Variants in TXLNB observed in about 807,000 individuals in gnomAD.
TXLNB encodes the protein taxilin beta, also known as beta-taxilin.
Under a neutral mutation model 57.4 loss-of-function variants are expected in TXLNB, and 37 were observed. That is an observed-to-expected ratio of 0.64 (90% CI 0.50 to 0.85). The LOEUF (loss-of-function observed/expected upper bound fraction) is 0.85. TXLNB is among the 40% of genes least tolerant of loss of function. The pLI is 0.00. For synonymous variants in TXLNB, 302 were observed against 309.6 expected, an observed-to-expected ratio of 0.98 and a Z score of 0.26; for missense variants, 848 against 825.6, an observed-to-expected ratio of 1.03 and a Z score of -0.33.
At chr6:139,204,542 T>C in the TXLNB span, among the ~76,000 whole-genome samples, 1 of 152,044 alleles carries the variant, frequency 6.6e-6, no homozygotes, top group Non-Finnish European at 1.5e-5. Context: ...CAACTGAATT[T>C]TGTGACAGGA....
In TXLNB at chr6:139,242,319, T is replaced by A. The variant is rs1775953182; in HGVS notation, c.*207A>T. On this transcript the variant is annotated 3_prime_UTR_variant, in exon 10 of 10. Coordinates refer to ENST00000358430, the MANE Select transcript of TXLNB (RefSeq NM_153235.4). ...TTGGGAAAATTATACTGTCAACCAG[T>A]GTTAAATAGAAAACCTTCAAATCAG... 4 of 406,218 alleles carry A rather than the reference T, an allele frequency of 9.8e-6. No individual in the cohort carries two copies. Among genetic ancestry groups the A allele is most frequent in the Non-Finnish European group, 1.7e-5 (4 of 235,982 alleles). 25.2% of individuals were successfully genotyped at this position (406,218 alleles called of 1,614,324 possible).
intron 3 of TXLNB, among the ~76,000 whole-genome samples, chr6:139,272,056 C>T (rs1776778194): frequency 6.6e-6 from 1 of 152,138 alleles, no homozygotes; most frequent in Non-Finnish European, 1.5e-5. Context: ...TGCCTGTAAT[C>T]CCTGCACTTT....
the TXLNB span, among the ~76,000 whole-genome samples, chr6:139,302,630 G>T: frequency 7.4e-6 from 1 of 135,942 alleles, no homozygotes; most frequent in Non-Finnish European, 1.6e-5. Context: ...AAAAAAATTA[G>T]CTGGGAATGG....
chr6:139,168,079 C>T, the TXLNB span, among the ~76,000 whole-genome samples: 1 of 152,212 alleles, frequency 6.6e-6, no homozygotes, highest in African/African-American at 2.4e-5. Context: ...CTGTCTCCTT[C>T]CCACCAACCC....
rs1775965971 is a variant in TXLNB at position 139,242,646 on chromosome 6, C to T, written c.1935G>A (p.Val645=). ...GCTGCCTACTGGGCTCGCATGCAGG[C>T]ACCATGGCTGCAACGTGCTCTTCTG... The part of the protein sequence containing the change: ...CAAEEHVAAM[V]PACEPSRQPP... Residue 645 remains valine (V), a synonymous_variant, in exon 10 of 10, where the codon GTG becomes GTA. Transcript: ENST00000358430. 2.5e-6 allele frequency: 4 copies of T among 1,608,958 alleles called. No homozygotes were observed. The highest frequency in any genetic ancestry group is 3.4e-6 in the Non-Finnish European group (4 of 1,177,772).
chr6:139,317,620 C>T, the TXLNB span, among the ~76,000 whole-genome samples: 1 of 152,016 alleles, frequency 6.6e-6, no homozygotes, highest in African/African-American at 2.4e-5. Context: ...AGGATGATCT[C>T]GATCTCCTGA....
the TXLNB span, among the ~76,000 whole-genome samples, chr6:139,298,494 C>T: frequency 4.6e-5 from 7 of 152,250 alleles, no homozygotes; most frequent in East Asian, 9.6e-4. Flanking sequence ...TTGGACCTCC[C>T]CATCTTTGAA....
upstream of TXLNB, among the ~76,000 whole-genome samples, chr6:139,294,662 T>TA (rs1230330958): frequency 1.3e-5 from 2 of 152,152 alleles, no homozygotes; most frequent in Admixed American, 6.6e-5. Context: ...ACCTTGATCT[T>TA]AGACTTTCCA....
Position 139,242,825 on chromosome 6 carries a change from C to A in TXLNB, c.1756G>T (p.Ala586Ser), listed in dbSNP as rs1562269874. 1.2e-6 allele frequency: 2 copies of A among 1,614,168 alleles called. No individual in the cohort carries two copies. Among genetic ancestry groups the A allele is most frequent in the Non-Finnish European group, 1.7e-6 (2 of 1,180,044 alleles). The stretch of plus-strand genomic sequence containing the variant: ...GGGAGACCCTCGCATTGGGTTTCTG[C>A]TCCCAACCCGGCAGGAGAATTACTG... ...KASNSPAGLG[A>S]ETQCEGLPVG... is the part of the protein sequence containing the mutation. The change falls in exon 10 of 10, where the codon GCA becomes TCA. Residue 586 changes from alanine (A) to serine (S), a missense_variant. Physicochemically the swap from Ala to Ser is moderately conservative, Grantham distance 99 (BLOSUM62 1). Transcript: ENST00000358430.
chr6:139,191,748 G>C, the TXLNB span, among the ~76,000 whole-genome samples: 15 of 152,236 alleles, frequency 9.9e-5, no homozygotes, highest in East Asian at 2.9e-3. Flanking sequence ...GGTGTGGGGC[G>C]GTGTACCTGG....
the TXLNB span, among the ~76,000 whole-genome samples, chr6:139,300,619 C>T: frequency 6.6e-6 from 1 of 152,202 alleles, no homozygotes; most frequent in Non-Finnish European, 1.5e-5. Context: ...AGAACTTCAG[C>T]TGGGTGCGGT....
At chr6:139,280,138 G>C (rs1777006720) in intron 2 of TXLNB, among the ~76,000 whole-genome samples, 1 of 151,404 alleles carries the variant, frequency 6.6e-6, no homozygotes, top group African/African-American at 2.4e-5. Context: ...TGTAATCCCA[G>C]CTACTCTGGA....
chr6:139,292,367 CA>C (rs578229967), upstream of TXLNB, among the ~76,000 whole-genome samples: 201 of 152,270 alleles, frequency 1.3e-3, no homozygotes, highest in Non-Finnish European at 2.4e-3. This position sits in a 1 kb window ranked among gnomAD's most constrained non-coding sequence, Gnocchi z 4.0. Context: ...GGGTAGAGAT[CA>C]GTTTTTCTTA....
At chr6:139,259,144 C>G (rs1776418397) in intron 6 of TXLNB, among the ~76,000 whole-genome samples, 1 of 152,154 alleles carries the variant, frequency 6.6e-6, no homozygotes, top group African/African-American at 2.4e-5. Context: ...AAGTCATCAT[C>G]ATATTTCATC....
the TXLNB span, among the ~76,000 whole-genome samples, chr6:139,298,254 C>G: frequency 6.6e-6 from 1 of 152,036 alleles, no homozygotes; most frequent in Non-Finnish European, 1.5e-5. Context: ...GCAAAGAGCC[C>G]CACCTCTTAA....
chr6:139,255,887 G>C (rs1780284623), intron 6 of TXLNB, among the ~76,000 whole-genome samples: 1 of 151,610 alleles, frequency 6.6e-6, no homozygotes, highest in Admixed American at 6.6e-5. Flanking sequence ...GAACAGCCTG[G>C]GCTATATAGG....
the TXLNB span, chr6:139,174,564 G>A: frequency 6.2e-7 from 1 of 1,606,140 alleles, no homozygotes; most frequent in South Asian, 1.1e-5. Flanking sequence ...CACTGAGGGA[G>A]CAGTGGGTGA....
Position 139,247,842 on chromosome 6 carries a change from G to A in TXLNB, c.1145C>T (p.Ala382Val). ...STLTKSNEVF[A>V]TFKQEMDKTT... ...TTTGTCCATTTCCTGTTTGAACGTG[G>A]CAAACACCTCGTTGCTTTTAGTTAG... The change falls in exon 8 of 10, where the codon GCC becomes GTC. Residue 382 changes from alanine (A) to valine (V), a missense_variant. Coordinates refer to ENST00000358430, the MANE Select transcript of TXLNB (RefSeq NM_153235.4). The A allele has an allele frequency of 6.2e-7, 1 of 1,604,924 alleles. No individual in the cohort carries two copies. The highest frequency in any genetic ancestry group is 2.3e-5 in the East Asian group (1 of 44,174).
Position 139,260,377 on chromosome 6 carries a change from C to G in TXLNB, c.943G>C (p.Glu315Gln), listed in dbSNP as rs1776450325. Reference protein sequence around the residue: ...LQQKLVDAKLEQAQEMMKEAE... With the variant: ...LQQKLVDAKLQQAQEMMKEAE... ...TCCTTCATCATTTCTTGGGCCTGCT[C>G]AAGCTTTGCATCCACCAGCTTCTGC... The change falls in exon 6 of 10, where the codon GAG (glutamate) becomes CAG (glutamine). Residue 315 changes from glutamate (E) to glutamine (Q), a missense_variant. Physicochemically the swap from Glu to Gln is conservative, Grantham distance 29. Coordinates refer to ENST00000358430, the MANE Select transcript of TXLNB (RefSeq NM_153235.4). The G allele has an allele frequency of 3.7e-6, 6 of 1,614,150 alleles. No individual in the cohort carries two copies. Among genetic ancestry groups the G allele is most frequent in the Non-Finnish European group, 3.4e-6 (4 of 1,180,028 alleles).
Sources: allele counts gnomAD v4.1 joint callset (sites outside exome capture counted in the v4.1 genomes callset), GRCh38; gene constraint gnomAD v4.1.1; non-coding constraint Gnocchi (gnomAD v3.1); transcripts MANE v1.5; gene names NCBI Gene and HGNC (gene_info 2026-07-23, HGNC 2026-07-21).